Variants in KLC1 observed in about 807,000 individuals in gnomAD.
KLC1 encodes the protein kinesin light chain 1.
Under a neutral mutation model 84.2 loss-of-function variants are expected in KLC1, and 30 were observed. The observed-to-expected ratio is 0.36, with a 90% CI of 0.27 to 0.48. The LOEUF (loss-of-function observed/expected upper bound fraction) is 0.48, where lower values mean the gene tolerates loss of function less well. KLC1 is among the 20% of genes least tolerant of loss of function. The pLI is 0.99. For synonymous variants in KLC1, 289 were observed against 293.3 expected (o/e 0.99, Z 0.15); for missense variants, 499 against 805.4 (o/e 0.62, Z 4.60).
At chr14:103,665,425 TTGTCC>T (rs901111123) in intron 5 of KLC1, among the ~76,000 whole-genome samples, 20 of 152,078 alleles carry the variant, frequency 1.3e-4, no homozygotes, top group African/African-American at 4.8e-4. Context: ...TTGTCTTGTC[TTGTCC>T]TGTCCTGTCC....
intron 1 of KLC1, among the ~76,000 whole-genome samples, chr14:103,642,416 G>A (rs2077562697): frequency 1.3e-5 from 2 of 152,130 alleles, no homozygotes; most frequent in African/African-American, 4.8e-5. Flanking sequence ...ATATGGGCAA[G>A]GTATTTTGTA....
At chr14:103,673,724 C>T (rs1473166130) in intron 9 of KLC1, among the ~76,000 whole-genome samples, 1 of 152,110 alleles carries the variant, frequency 6.6e-6, no homozygotes, top group Non-Finnish European at 1.5e-5. Flanking sequence ...GCGATCGAGA[C>T]CATCCTGGCT....
Position 103,694,092 on chromosome 14 carries a change from A to C in KLC1, c.1848+1667A>C. 1.0e-6 allele frequency: 1 copy of C among 985,680 alleles called. No individual in the cohort carries two copies. Among genetic ancestry groups the C allele is most frequent in the Non-Finnish European group, 1.2e-6 (1 of 829,350 alleles). The allele number at this position is 985,680 out of a possible 1,614,324, so 61.1% of individuals were successfully genotyped here. A position where few individuals can be genotyped will look rare whatever the true frequency, so the allele number is the denominator to read the frequency against. ...CAGTAAAGCCTGAAGCTTAGCGGAC[A>C]CTGGTCAGTGGGAAGTGAATTCCTT... On this transcript the variant is annotated intron_variant, in intron 15 of 16. Transcript: ENST00000334553. This position sits in a 1 kb window ranked among gnomAD's most constrained non-coding sequence, Gnocchi z 4.5.
chr14:103,680,900 A>AC lies in KLC1; in HGVS notation c.1650+1355_1650+1356insC, dbSNP rs573352501. Among the ~76,000 whole-genome samples, 7 of 152,358 alleles carry AC rather than the reference A, an allele frequency of 4.6e-5. No individual in the cohort carries two copies. In the East Asian group the frequency reaches 1.4e-3, roughly 29 times the overall value. On this transcript the variant is annotated intron_variant, in intron 13 of 16. Coordinates refer to ENST00000334553, the MANE Select transcript of KLC1 (RefSeq NM_001394837.1). ...GTATTTCTAGGTCCATGTTGACATG[A>AC]AATCATCTGATGATAAAATGGTGAC...
At chr14:103,688,671 G>A (rs1398299401) in intron 14 of KLC1, among the ~76,000 whole-genome samples, 1 of 152,146 alleles carries the variant, frequency 6.6e-6, no homozygotes, top group Non-Finnish European at 1.5e-5. Context: ...CTTCATGGCT[G>A]TGAGAGAGGT....
Position 103,701,301 on chromosome 14 carries a change from G to T in KLC1, c.*102G>T, listed in dbSNP as rs534376993. On this transcript the variant is annotated 3_prime_UTR_variant, in exon 17 of 17. Coordinates refer to ENST00000334553, the MANE Select transcript of KLC1 (RefSeq NM_001394837.1). ...CAGGGAGGGCCCCTGGCCGGGAGCC[G>T]CAGCGCTCACTCATTTCTCCTGCGT... The T allele has an allele frequency of 2.4e-6, 3 of 1,273,218 alleles. No individual in the cohort carries two copies. The Admixed American group carries it at 6.2e-5, about 27-fold the overall frequency. The allele number at this position is 1,273,218 out of a possible 1,614,324, so 78.9% of individuals were successfully genotyped here.
intron 1 of KLC1, among the ~76,000 whole-genome samples, chr14:103,654,051 C>T (rs979070958): frequency 1.2e-4 from 18 of 152,218 alleles, no homozygotes; most frequent in African/African-American, 4.1e-4. Context: ...CCGTGCTGCA[C>T]CTGTCCTTGA....
At chr14:103,643,342 G>A (rs1368766712) in intron 1 of KLC1, among the ~76,000 whole-genome samples, 1 of 152,148 alleles carries the variant, frequency 6.6e-6, no homozygotes, top group Non-Finnish European at 1.5e-5. Context: ...GTGTGGAGGT[G>A]GTGGTGATAA....
chr14:103,700,991 A>G (rs1174375262), intron 16 of KLC1, among the ~76,000 whole-genome samples: 1 of 152,200 alleles, frequency 6.6e-6, no homozygotes, highest in Non-Finnish European at 1.5e-5. Flanking sequence ...CCCGTGCCAG[A>G]CGCAGGCCTT....
chr14:103,640,603 G>A (rs2077412482), intron 1 of KLC1, among the ~76,000 whole-genome samples: 1 of 150,988 alleles, frequency 6.6e-6, no homozygotes, highest in Non-Finnish European at 1.5e-5. Context: ...CTTGTGATCT[G>A]CCCGCCTCGG....
At chr14:103,650,165 C>G (rs2078310377) in intron 1 of KLC1, among the ~76,000 whole-genome samples, 1 of 151,630 alleles carries the variant, frequency 6.6e-6, no homozygotes, top group African/African-American at 2.4e-5. Flanking sequence ...TTAGAATAAC[C>G]TGGGGCCAGA....
chr14:103,667,097 A>T (rs1003042295), intron 5 of KLC1, among the ~76,000 whole-genome samples: 2 of 150,614 alleles, frequency 1.3e-5, no homozygotes, highest in African/African-American at 2.4e-5. Context: ...TTCTCATAAC[A>T]CTTTAGGTAG....
chr14:103,677,411 A>G lies in KLC1; in HGVS notation c.1380-4A>G, dbSNP rs775785114. On this transcript the variant is annotated splice_region_variant and splice_polypyrimidine_tract_variant and intron_variant, in intron 11 of 16. Coordinates refer to ENST00000334553, the MANE Select transcript of KLC1 (RefSeq NM_001394837.1). ...AGTTCTGTATGTCATGTGCTTTCTT[A>G]CAGTCCAACTGTTACAACCACTCTA... The G allele has an allele frequency of 2.5e-6, 4 of 1,577,588 alleles. No individual in the cohort carries two copies. The highest frequency in any genetic ancestry group is 3.5e-6 in the Non-Finnish European group (4 of 1,146,766).
rs2083183634 is a variant in KLC1 at position 103,701,341 on chromosome 14, C to T, written c.*142C>T. 1 of 877,260 alleles carries T rather than the reference C, an allele frequency of 1.1e-6. No individual in the cohort carries two copies. The allele number at this position is 877,260 out of a possible 1,614,324, so 54.3% of individuals were successfully genotyped here. A position where few individuals can be genotyped will look rare whatever the true frequency, so the allele number is the denominator to read the frequency against. ...TTCTCCTGCGTCTGTGTGCATAGGA[C>T]ATGATACTAATAACCACACGGCTGG... On this transcript the variant is annotated 3_prime_UTR_variant, in exon 17 of 17. Transcript: ENST00000334553.
At chr14:103,663,988 GC>G (rs1304910488) in intron 5 of KLC1, among the ~76,000 whole-genome samples, 1 of 152,080 alleles carries the variant, frequency 6.6e-6, no homozygotes, top group Non-Finnish European at 1.5e-5. Flanking sequence ...AAGAAAGTAA[GC>G]CCCCTGTTAT....
chr14:103,640,971 A>G (rs556093053), intron 1 of KLC1, among the ~76,000 whole-genome samples: 5 of 152,048 alleles, frequency 3.3e-5, no homozygotes, highest in Non-Finnish European at 7.4e-5. Context: ...TAGGTCACCC[A>G]GGCTGGAGTG....
Position 103,694,370 on chromosome 14 carries a change from G to C in KLC1, c.1848+1945G>C. On this transcript the variant is annotated intron_variant, in intron 15 of 16. Transcript: ENST00000334553. The surrounding 1 kb of genome is among the most constrained non-coding windows in gnomAD (Gnocchi z 4.5). ...GGGTTCACGCCATTCTCCTGCCTCA[G>C]CCTCCCGAGTAGCTGGGACTACAGG... The C allele has an allele frequency of 1.1e-6, 1 of 939,090 alleles. No homozygotes were observed. Among genetic ancestry groups the C allele is most frequent in the Non-Finnish European group, 1.3e-6 (1 of 788,638 alleles). 58.2% of individuals were successfully genotyped at this position (939,090 alleles called of 1,614,324 possible). A position where few individuals can be genotyped will look rare whatever the true frequency, so the allele number is the denominator to read the frequency against.
At chr14:103,696,714 C>T in intron 15 of KLC1, 2 of 985,484 alleles carry the variant, frequency 2.0e-6, no homozygotes, top group African/African-American at 1.7e-5. Flanking sequence ...AATTAGTTCC[C>T]CAACTCTGTG....
chr14:103,658,063 A>T (rs2078955723), intron 3 of KLC1, among the ~76,000 whole-genome samples: 1 of 152,146 alleles, frequency 6.6e-6, no homozygotes, highest in African/African-American at 2.4e-5. Context: ...GCAGTGGTCC[A>T]ATCTGGCCGT....
Sources: gnomAD v4.1 joint callset for allele counts (sites outside exome capture counted in the v4.1 genomes callset) on GRCh38, gnomAD v4.1.1 for gene constraint, Gnocchi (gnomAD v3.1) non-coding constraint, MANE v1.5 for transcripts, NCBI Gene and HGNC (gene_info 2026-07-23, HGNC 2026-07-21) for gene names.